The following HOMER1 variants were observed in gnomAD, a reference collection of about 807,000 sequenced individuals.
HOMER1 encodes the protein homer protein homolog 1.
In HOMER1, 3 loss-of-function variants were observed where a neutral mutation model predicts 48.9. The observed-to-expected ratio is 0.06, with a 90% CI of 0.03 to 0.16. HOMER1 has a LOEUF of 0.16. Among genes scored for constraint, HOMER1 ranks in the 10% least tolerant of loss-of-function variants. The pLI, the probability that HOMER1 is intolerant of heterozygous loss-of-function variation, is 1.00. For synonymous variants in HOMER1, 134 were observed against 146.4 expected, an observed-to-expected ratio of 0.92 and a Z score of 0.61; for missense variants, 247 against 411.4, an observed-to-expected ratio of 0.60 and a Z score of 3.46.
intron 1 of HOMER1, among the ~76,000 whole-genome samples, chr5:79,498,116 C>A (rs1752477600): frequency 6.6e-6 from 1 of 152,152 alleles, no homozygotes; most frequent in Non-Finnish European, 1.5e-5. Flanking sequence ...TAAAGCATTT[C>A]CAGGCCAAGT....
At position 79,396,820 on chromosome 5, in the gene HOMER1, C is replaced by T; in HGVS notation, c.876+3G>A. Reference sequence around the variant, plus strand: ...GTGAATAACAATTTTTACTACAGCTCACCTGTAGTTTCTGAGTCAAAGAAT... The same window carrying T: ...GTGAATAACAATTTTTACTACAGCTTACCTGTAGTTTCTGAGTCAAAGAAT... On this transcript the variant is annotated splice_donor_region_variant and intron_variant, in intron 8 of 8. Transcript: ENST00000334082. 6.4e-7 allele frequency: 1 copy of T among 1,556,034 alleles called. No homozygotes were observed. The highest frequency in any genetic ancestry group is 8.9e-7 in the Non-Finnish European group (1 of 1,129,930).
intron 1 of HOMER1, among the ~76,000 whole-genome samples, chr5:79,480,790 T>C (rs1005962594): frequency 2.0e-5 from 3 of 152,226 alleles, no homozygotes; most frequent in Admixed American, 2.0e-4. Flanking sequence ...ACTCCTTCAA[T>C]ATTTATTGAC....
intron 8 of HOMER1, among the ~76,000 whole-genome samples, chr5:79,390,761 A>G (rs1321244790): frequency 1.3e-5 from 2 of 152,168 alleles, no homozygotes; most frequent in Admixed American, 6.5e-5. Context: ...ATAGAACTAT[A>G]AATTAATAAC....
chr5:79,412,404 G>T (rs1749835071), intron 5 of HOMER1, among the ~76,000 whole-genome samples: 1 of 152,208 alleles, frequency 6.6e-6, no homozygotes, highest in Non-Finnish European at 1.5e-5. Flanking sequence ...ACCTCTTAAA[G>T]TTATCTGTGT....
At chr5:79,484,045 CAAAAAAA>C (rs34704866) in intron 1 of HOMER1, among the ~76,000 whole-genome samples, 6 of 72,264 alleles carry the variant, frequency 8.3e-5, no homozygotes, top group Non-Finnish European at 1.2e-4. Flanking sequence ...GACTCCATCT[CAAAAAAA>C]AAAAAAAAAA....
intron 1 of HOMER1, among the ~76,000 whole-genome samples, chr5:79,492,562 T>G (rs1752309546): frequency 6.6e-6 from 1 of 151,928 alleles, no homozygotes; most frequent in Admixed American, 6.6e-5. Context: ...GCGCAAGTGC[T>G]TCGCATGTGG....
At chr5:79,408,609 G>A (rs947862717) in intron 5 of HOMER1, among the ~76,000 whole-genome samples, 5 of 151,968 alleles carry the variant, frequency 3.3e-5, no homozygotes, top group Admixed American at 3.3e-4. Flanking sequence ...TAGTCTATAC[G>A]CAAATTAAAA....
At chr5:79,512,636 C>A in intron 1 of HOMER1, 134 bp downstream of exon 1, 1 of 795,650 alleles carries the variant, frequency 1.3e-6, no homozygotes, top group African/African-American at 1.8e-5. Flanking sequence ...GTTAGCATGC[C>A]TATTTCTTTA....
intron 1 of HOMER1, among the ~76,000 whole-genome samples, chr5:79,471,495 G>A (rs1027299875): frequency 7.6e-5 from 11 of 144,546 alleles, no homozygotes; most frequent in African/African-American, 2.3e-4. Context: ...GCAGTGAGCC[G>A]AGATCATGCC....
intron 1 of HOMER1, among the ~76,000 whole-genome samples, chr5:79,484,157 T>C (rs1752031732): frequency 6.6e-6 from 1 of 151,922 alleles, no homozygotes; most frequent in South Asian, 2.1e-4. Context: ...ATATATGAAG[T>C]AGTAAAATGG....
At chr5:79,386,475 GGGA>G (rs1326922093) in intron 8 of HOMER1, among the ~76,000 whole-genome samples, 1 of 152,120 alleles carries the variant, frequency 6.6e-6, no homozygotes, top group Non-Finnish European at 1.5e-5. Context: ...GTGTGATGGT[GGGA>G]GGAGAAAATG....
intron 6 of HOMER1, among the ~76,000 whole-genome samples, chr5:79,398,134 G>A (rs1047850336): frequency 3.3e-5 from 5 of 152,136 alleles, no homozygotes; most frequent in Non-Finnish European, 5.9e-5. Context: ...CATCAACAGT[G>A]TCTCTTACGG....
At chr5:79,507,212 C>CAAAAAAAAAAAAAAAAA (rs34697575) in intron 1 of HOMER1, among the ~76,000 whole-genome samples, 3 of 51,882 alleles carry the variant, frequency 5.8e-5, no homozygotes, top group Non-Finnish European at 1.1e-4. Flanking sequence ...GGCTCTATCT[C>CAAAAAAAAAAAAAAAAA]AAAAAAAAAA....
rs981415135 is a variant in HOMER1 at position 79,433,580 on chromosome 5, C to G, written c.527+5430G>C. Among the ~76,000 whole-genome samples, 4 of 151,244 alleles carry G rather than the reference C, an allele frequency of 2.6e-5. No individual in the cohort carries two copies. The East Asian group carries it at 7.8e-4, about 30-fold the overall frequency. ...GAGACTCCATCTCAAGAAAAACAAA[C>G]AAACAAAAAAGATTAAGCACTTCCT... On this transcript the variant is annotated intron_variant, in intron 5 of 8. Transcript: ENST00000334082.
chr5:79,410,837 G>T (rs1420501364), intron 5 of HOMER1, among the ~76,000 whole-genome samples: 1 of 152,122 alleles, frequency 6.6e-6, no homozygotes, highest in African/African-American at 2.4e-5. Context: ...CACTTTTCAG[G>T]AATACTTGTT....
intron 1 of HOMER1, among the ~76,000 whole-genome samples, chr5:79,495,869 C>T (rs1752405030): frequency 6.6e-6 from 1 of 152,112 alleles, no homozygotes; most frequent in Non-Finnish European, 1.5e-5. Flanking sequence ...TATAGAAATT[C>T]AAAAGCTAAG....
chr5:79,438,898 C>CA, intron 5 of HOMER1, 112 bp downstream of exon 5: 2 of 589,306 alleles, frequency 3.4e-6, no homozygotes. Context: ...AAAAAAAAGT[C>CA]AAAGTCAACC....
chr5:79,401,298 TA>T (rs1328066940), intron 6 of HOMER1, among the ~76,000 whole-genome samples: 1 of 152,192 alleles, frequency 6.6e-6, no homozygotes, highest in East Asian at 1.9e-4. Flanking sequence ...ACATGCCAAT[TA>T]AGTATTCAAT....
chr5:79,381,674 T>A (rs1748980953), intron 8 of HOMER1, among the ~76,000 whole-genome samples: 1 of 152,114 alleles, frequency 6.6e-6, no homozygotes, highest in Admixed American at 6.6e-5. Context: ...TGCTTGAGGT[T>A]AGGAGTTTGA....
Sources: allele counts gnomAD v4.1 joint callset (sites outside exome capture counted in the v4.1 genomes callset), GRCh38; gene constraint gnomAD v4.1.1; transcripts MANE v1.5; gene names NCBI Gene and HGNC (gene_info 2026-07-23, HGNC 2026-07-21).